The following SLC35F3 variants were observed in gnomAD, a reference collection of about 807,000 sequenced individuals.
SLC35F3 encodes the protein solute carrier family 35 member F3, also known as putative thiamine transporter SLC35F3.
A neutral mutation model predicts 49.9 loss-of-function variants in SLC35F3; 25 were observed. The observed-to-expected ratio is 0.50, with a 90% CI of 0.37 to 0.70. The LOEUF is 0.70. Ranked by LOEUF, SLC35F3 falls within the 30% of genes least tolerant of loss-of-function variation. The pLI is 0.00. For missense variants in SLC35F3, 525 were observed against 639.8 expected (o/e 0.82, Z 1.94); for synonymous variants, 275 against 265.4 (o/e 1.04, Z -0.35).
chr1:234,109,180 A>AG (rs565821203), intron 2 of SLC35F3, among the ~76,000 whole-genome samples: 149 of 152,254 alleles, frequency 9.8e-4, no homozygotes, highest in African/African-American at 3.5e-3. Flanking sequence ...CAGTGGGTGG[A>AG]GGCCAGGCTC....
chr1:234,066,414 C>T (rs1664617948), intron 2 of SLC35F3, among the ~76,000 whole-genome samples: 1 of 152,102 alleles, frequency 6.6e-6, no homozygotes, highest in African/African-American at 2.4e-5. Flanking sequence ...CTACGCTGGC[C>T]TCATTGCTGT....
At chr1:234,143,905 T>C (rs1372702081) in intron 2 of SLC35F3, among the ~76,000 whole-genome samples, 3 of 152,130 alleles carry the variant, frequency 2.0e-5, no homozygotes, top group South Asian at 2.1e-4. Flanking sequence ...CTGGGTCATA[T>C]GATGGAGGGA....
Position 234,276,397 on chromosome 1 carries a change from G to A in SLC35F3, c.609-32704G>A, listed in dbSNP as rs79772260. Among the ~76,000 whole-genome samples the A allele has an allele frequency of 7.4e-3, 1,121 of 152,284 alleles. 7 individuals carry two copies. The highest frequency in any genetic ancestry group is 9.5e-3 in the Non-Finnish European group (646 of 68,018). On this transcript the variant is annotated intron_variant, in intron 3 of 7. Coordinates refer to ENST00000366618, the MANE Select transcript of SLC35F3 (RefSeq NM_173508.4). Reference sequence around the variant, plus strand: ...AGACTTAGAAGCTAGAGGAGGTCACGCAAGGTCGTGTAGCAGAGGCAGTGC... The same window carrying A: ...AGACTTAGAAGCTAGAGGAGGTCACACAAGGTCGTGTAGCAGAGGCAGTGC...
intron 2 of SLC35F3, among the ~76,000 whole-genome samples, chr1:234,192,598 A>G (rs1038964973): frequency 5.3e-5 from 8 of 152,190 alleles, no homozygotes; most frequent in Non-Finnish European, 1.5e-5. Flanking sequence ...AGCTAGAGCA[A>G]TCAGACAAGA....
At chr1:233,940,367 C>CAGAG (rs1478862268) in intron 2 of SLC35F3, among the ~76,000 whole-genome samples, 1 of 122,018 alleles carries the variant, frequency 8.2e-6, no homozygotes, top group African/African-American at 3.2e-5. Flanking sequence ...CACACACACA[C>CAGAG]ACAGAGAGAG....
intron 2 of SLC35F3, among the ~76,000 whole-genome samples, chr1:233,932,379 A>G (rs1662257650): frequency 6.6e-6 from 1 of 152,150 alleles, no homozygotes; most frequent in African/African-American, 2.4e-5. Flanking sequence ...TTGCAGTTCA[A>G]ATCTGTGTTG....
intron 3 of SLC35F3, among the ~76,000 whole-genome samples, chr1:234,304,066 CCTTCCTTT>C (rs746303253): frequency 0.056 from 1,448 of 25,888 alleles, 37 homozygotes; most frequent in African/African-American, 0.18. Flanking sequence ...TCCTTTCCTT[CCTTCCTTT>C]CTTCCTTCCT....
At chr1:234,087,847 C>G (rs527634747) in intron 2 of SLC35F3, among the ~76,000 whole-genome samples, 1 of 152,274 alleles carries the variant, frequency 6.6e-6, no homozygotes, top group East Asian at 1.9e-4. Flanking sequence ...CCAGGGTTAT[C>G]CCTGCCTCAA....
At chr1:234,026,368 G>T (rs1407584700) in intron 2 of SLC35F3, among the ~76,000 whole-genome samples, 2 of 152,130 alleles carry the variant, frequency 1.3e-5, no homozygotes, top group African/African-American at 4.8e-5. Flanking sequence ...ATGTTAAATG[G>T]CAATGTTTTG....
At chr1:234,151,923 A>G (rs1666080093) in intron 2 of SLC35F3, among the ~76,000 whole-genome samples, 1 of 152,138 alleles carries the variant, frequency 6.6e-6, no homozygotes, top group Non-Finnish European at 1.5e-5. Context: ...TTTATACCTT[A>G]AGGGATTTCT....
chr1:234,040,813 C>T (rs996622395), intron 2 of SLC35F3, among the ~76,000 whole-genome samples: 2 of 152,080 alleles, frequency 1.3e-5, no homozygotes, highest in African/African-American at 2.4e-5. Flanking sequence ...GTTTGGGGAC[C>T]GACTTTATTC....
intron 2 of SLC35F3, among the ~76,000 whole-genome samples, chr1:234,049,091 T>G (rs12090057): frequency 1.6e-4 from 25 of 152,218 alleles, no homozygotes; most frequent in African/African-American, 6.0e-4. Context: ...ACTTTAGAGT[T>G]GATGAGTTGA....
intron 2 of SLC35F3, among the ~76,000 whole-genome samples, chr1:234,172,279 G>A (rs887666839): frequency 5.3e-5 from 8 of 152,074 alleles, no homozygotes; most frequent in African/African-American, 1.9e-4. Context: ...TTTCACCCAG[G>A]CTGGAGTGCA....
chr1:234,205,065 A>G (rs772592878), intron 2 of SLC35F3, among the ~76,000 whole-genome samples: 3 of 152,236 alleles, frequency 2.0e-5, no homozygotes, highest in Non-Finnish European at 4.4e-5. Context: ...CAAGGGAGAA[A>G]GAGCCACCCT....
In SLC35F3 at chr1:234,302,013, G is replaced by A. The variant is rs193021818; in HGVS notation, c.609-7088G>A. Among the ~76,000 whole-genome samples, 187 of 152,174 alleles carry A rather than the reference G, an allele frequency of 1.2e-3. 1 individual carries two copies. The highest frequency in any genetic ancestry group is 6.8e-3 in the Middle Eastern group (2 of 294). ...TTGAGAACATGTGGACACAGAGAGG[G>A]GAACAACACACACCAGGGCCTGTTG... On this transcript the variant is annotated intron_variant, in intron 3 of 7. Transcript: ENST00000366618.
Position 234,227,392 on chromosome 1 carries a change from C to CTTTTTTTTTT in SLC35F3, c.284-4010_284-4001dup, listed in dbSNP as rs369277069. 1.3e-3 allele frequency among the ~76,000 whole-genome samples: 141 copies of CTTTTTTTTTT among 108,678 alleles called. 1 individual carries two copies. Among genetic ancestry groups the CTTTTTTTTTT allele is most frequent in the Non-Finnish European group, 2.3e-3 (114 of 50,198 alleles). The allele number at this position is 108,678 out of a possible 152,430, so 71.3% of individuals were successfully genotyped here. On this transcript the variant is annotated intron_variant, in intron 2 of 7. Transcript: ENST00000366618. Reference sequence around the variant, plus strand: ...TCCTTGAGGCACTGCCTCTTTCTTTCTTTTTTTTTTTTTTTTTTTTTTTTG... The same window carrying CTTTTTTTTTT: ...TCCTTGAGGCACTGCCTCTTTCTTTCTTTTTTTTTTTTTTTTTTTTTTTTTTTTTTTTTTG...
intron 3 of SLC35F3, among the ~76,000 whole-genome samples, chr1:234,272,017 T>G (rs560787885): frequency 2.6e-5 from 4 of 152,166 alleles, no homozygotes; most frequent in Admixed American, 6.5e-5. Context: ...TGCCAGCTAC[T>G]TGACAGGCTG....
chr1:234,179,190 C>T (rs1666521484), intron 2 of SLC35F3, among the ~76,000 whole-genome samples: 1 of 152,138 alleles, frequency 6.6e-6, no homozygotes, highest in African/African-American at 2.4e-5. Flanking sequence ...AATAGAACTC[C>T]TACGCCGAGT....
At chr1:233,965,799 C>G (rs12022660) in intron 2 of SLC35F3, among the ~76,000 whole-genome samples, 5 of 152,146 alleles carry the variant, frequency 3.3e-5, no homozygotes, top group African/African-American at 1.2e-4. Context: ...CCTAATACCT[C>G]AAAACTGTGA....
Sources: allele counts gnomAD v4.1 joint callset (sites outside exome capture counted in the v4.1 genomes callset), GRCh38; gene constraint gnomAD v4.1.1; transcripts MANE v1.5; gene names NCBI Gene and HGNC (gene_info 2026-07-23, HGNC 2026-07-21).